The following NASP variants were observed in gnomAD, a reference collection of about 807,000 sequenced individuals.
NASP encodes NASP histone chaperone.
NASP carries 24 observed loss-of-function variants against 89.5 expected under a neutral mutation model. The observed-to-expected ratio is 0.27, with a 90% CI of 0.19 to 0.38. NASP has a LOEUF of 0.38. Among genes scored for constraint, NASP ranks in the 10% least tolerant of loss-of-function variants. The probability of loss-of-function intolerance (pLI) is 1.00; values close to 1 mark genes in which losing one functional copy is unlikely to be tolerated. For missense variants in NASP, 848 were observed against 921.4 expected, an observed-to-expected ratio of 0.92 and a Z score of 1.03; for synonymous variants, 306 against 324.7, an observed-to-expected ratio of 0.94 and a Z score of 0.62.
chr1:45,586,463 T>C, intron 1 of NASP, among the ~76,000 whole-genome samples: 1 of 152,066 alleles, frequency 6.6e-6, no homozygotes, highest in Non-Finnish European at 1.5e-5. Flanking sequence ...TTCTAGTATT[T>C]ATTTTGTAAA....
chr1:45,601,505 C>CT (rs1557656908), intron 2 of NASP, among the ~76,000 whole-genome samples: 2 of 152,136 alleles, frequency 1.3e-5, no homozygotes, highest in Admixed American at 1.3e-4. Context: ...TTTTTGTACT[C>CT]TGTGTTCTAT....
At chr1:45,584,230 A>C (rs1308631098) in intron 1 of NASP, 25 bp downstream of exon 1, 4 of 1,567,322 alleles carry the variant, frequency 2.6e-6, no homozygotes, top group South Asian at 1.2e-5. Context: ...GGAAAGCTTA[A>C]GGCACTGGCC....
In NASP at chr1:45,618,287, A is replaced by C; in HGVS notation, c.*146A>C. 1.5e-6 allele frequency: 1 copy of C among 660,258 alleles called. No homozygotes were observed. 40.9% of individuals were successfully genotyped at this position (660,258 alleles called of 1,614,324 possible). A position where few individuals can be genotyped will look rare whatever the true frequency, so the allele number is the denominator to read the frequency against. ...TGGTTTTTTTCTTAATTATTGGCTG[A>C]ATCTGCCTTGGAGCACTGCTGGTTT... On this transcript the variant is annotated 3_prime_UTR_variant, in exon 15 of 15. Coordinates refer to ENST00000350030, the MANE Select transcript of NASP (RefSeq NM_002482.4).
intron 9 of NASP, among the ~76,000 whole-genome samples, chr1:45,614,706 T>G (rs1644072907): frequency 6.6e-6 from 1 of 152,000 alleles, no homozygotes; most frequent in Non-Finnish European, 1.5e-5. Flanking sequence ...GCCCGGTTAA[T>G]TTTTGTATTT....
intron 2 of NASP, among the ~76,000 whole-genome samples, chr1:45,598,747 C>G (rs1443818822): frequency 2.0e-5 from 3 of 152,164 alleles, no homozygotes; most frequent in African/African-American, 7.2e-5. Flanking sequence ...CTTCAGTTGA[C>G]TTTTTAATCA....
intron 1 of NASP, among the ~76,000 whole-genome samples, chr1:45,584,645 T>C (rs1245981853): frequency 6.2e-5 from 9 of 145,756 alleles, no homozygotes; most frequent in Non-Finnish European, 1.1e-4. Context: ...AAAAAAAACC[T>C]TGCACGAGGA....
chr1:45,591,138 T>G, intron 1 of NASP, 85 bp from the exon 2 acceptor site: 2 of 801,270 alleles, frequency 2.5e-6, no homozygotes, highest in Non-Finnish European at 4.0e-6. Context: ...TTTTATTCCT[T>G]TATATTTTTC....
intron 2 of NASP, among the ~76,000 whole-genome samples, chr1:45,599,061 G>T (rs1643769393): frequency 6.6e-6 from 1 of 151,940 alleles, no homozygotes; most frequent in Non-Finnish European, 1.5e-5. Flanking sequence ...TACTCCTCAG[G>T]TTCCTGTCTA....
chr1:45,592,597 C>T (rs1643579251), intron 2 of NASP: 1 of 152,346 alleles, frequency 6.6e-6, no homozygotes, highest in South Asian at 2.1e-4. Flanking sequence ...TCACTGCAAC[C>T]TCTGCCTCCC....
At chr1:45,617,390 A>G (rs1390065676) in intron 13 of NASP, 73 bp from the exon 14 acceptor site, 1 of 1,527,540 alleles carries the variant, frequency 6.5e-7, no homozygotes, top group Non-Finnish European at 8.9e-7. Flanking sequence ...CACAAGGGTT[A>G]AGGAAATGTT....
intron 5 of NASP, 147 bp from the exon 6 acceptor site, chr1:45,607,174 C>A: frequency 1.3e-6 from 1 of 799,712 alleles, no homozygotes. Context: ...CTTTCCTTTT[C>A]TCTAGGGGGC....
At chr1:45,593,060 A>C (rs1643591837) in intron 2 of NASP, among the ~76,000 whole-genome samples, 1 of 152,182 alleles carries the variant, frequency 6.6e-6, no homozygotes, top group Non-Finnish European at 1.5e-5. Flanking sequence ...CTCTGTTTTT[A>C]GTAATGGTTA....
intron 1 of NASP, chr1:45,588,871 C>G (rs1221426996): frequency 4.1e-6 from 1 of 242,372 alleles, no homozygotes; most frequent in African/African-American, 2.4e-5. Flanking sequence ...GAGCCGAGAT[C>G]GAGATCGCGC....
intron 1 of NASP, among the ~76,000 whole-genome samples, chr1:45,586,296 T>TGGTGTGTGTGTG (rs1381872109): frequency 2.1e-5 from 2 of 93,610 alleles, no homozygotes; most frequent in Admixed American, 1.0e-4. Flanking sequence ...TGTGTGTGTG[T>TGGTGTGTGTGTG]GTGTGTGTGT....
chr1:45,589,240 A>T (rs1643451744), intron 1 of NASP, among the ~76,000 whole-genome samples: 1 of 152,068 alleles, frequency 6.6e-6, no homozygotes, highest in African/African-American at 2.4e-5. Flanking sequence ...CAATCTTCCC[A>T]TATCAGTCTC....
chr1:45,601,745 A>AT (rs71056316), intron 2 of NASP, among the ~76,000 whole-genome samples: 32,902 of 67,640 alleles, frequency 0.49, 13,353 homozygotes, highest in South Asian at 0.71. Context: ...CGTTAAGAGA[A>AT]TTTTTTTTTT....
chr1:45,607,185 A>G, intron 5 of NASP, 136 bp from the exon 6 acceptor site: 2 of 855,042 alleles, frequency 2.3e-6, no homozygotes, highest in Non-Finnish European at 3.6e-6. Flanking sequence ...TCTAGGGGGC[A>G]GATAATTTTT....
intron 2 of NASP, among the ~76,000 whole-genome samples, chr1:45,596,439 C>T (rs1053553897): frequency 6.6e-6 from 1 of 152,100 alleles, no homozygotes; most frequent in African/African-American, 2.4e-5. Flanking sequence ...TTAGGTACCT[C>T]GTATAAATGG....
chr1:45,593,658 C>T (rs1257657454), intron 2 of NASP, among the ~76,000 whole-genome samples: 1 of 149,962 alleles, frequency 6.7e-6, no homozygotes, highest in Non-Finnish European at 1.5e-5. Context: ...TGGCAATGAG[C>T]TGTACTTTTT....
Sources: gnomAD v4.1 joint callset for allele counts (sites outside exome capture counted in the v4.1 genomes callset) on GRCh38, gnomAD v4.1.1 for gene constraint, MANE v1.5 for transcripts, NCBI Gene and HGNC (gene_info 2026-07-23, HGNC 2026-07-21) for gene names.